The following NRG1 variants were observed in gnomAD, a reference collection of about 807,000 sequenced individuals.
NRG1 encodes pro-neuregulin-1, membrane-bound isoform.
A neutral mutation model predicts 63.8 loss-of-function variants in NRG1; 18 were observed. The observed-to-expected ratio is 0.28, with a 90% confidence interval of 0.19 to 0.42. The LOEUF (loss-of-function observed/expected upper bound fraction) is 0.42. Among genes scored for constraint, NRG1 ranks in the 10% least tolerant of loss-of-function variants. The pLI is 1.00. For missense variants in NRG1, 762 were observed against 814.7 expected, an observed-to-expected ratio of 0.94 and a Z score of 0.79; for synonymous variants, 302 against 301.3, an observed-to-expected ratio of 1.00 and a Z score of -0.02.
rs190938499 is a variant in NRG1 at position 32,028,443 on chromosome 8, A to G, written c.37+389012A>G. On this transcript the variant is annotated intron_variant, in intron 1 of 10. Transcript: ENST00000519301. ...AAATATTAAAGAACTGAATGATGGC[A>G]TCAGCTCAGCCATTTAGTATTTGAT... 1.4e-4 allele frequency among the ~76,000 whole-genome samples: 21 copies of G among 152,322 alleles called. No homozygotes were observed. The Middle Eastern group carries it at 0.014, about 99-fold the overall frequency.
intron 1 of NRG1, among the ~76,000 whole-genome samples, chr8:32,483,139 G>A (rs1324137352): frequency 6.6e-6 from 1 of 152,162 alleles, no homozygotes; most frequent in South Asian, 2.1e-4. Context: ...GTGTTGATTG[G>A]GGAGATGGGA....
At chr8:32,344,305 C>CT (rs10712083) in intron 1 of NRG1, among the ~76,000 whole-genome samples, 5 of 143,344 alleles carry the variant, frequency 3.5e-5, no homozygotes, top group Admixed American at 7.0e-5. Flanking sequence ...AGAGCCACAT[C>CT]TTTTTTTTTT....
chr8:32,212,428 A>G (rs974820233), intron 1 of NRG1, among the ~76,000 whole-genome samples: 1 of 152,182 alleles, frequency 6.6e-6, no homozygotes, highest in African/African-American at 2.4e-5. Context: ...TGTGATAGTT[A>G]TTGGACACAA....
At chr8:32,711,098 G>A (rs1001110611) in intron 5 of NRG1, among the ~76,000 whole-genome samples, 6 of 152,252 alleles carry the variant, frequency 3.9e-5, no homozygotes, top group African/African-American at 1.4e-4. Flanking sequence ...GTTCTGGAAT[G>A]AAAGAGGCGT....
intron 5 of NRG1, among the ~76,000 whole-genome samples, chr8:32,672,922 T>C (rs1285532881): frequency 6.6e-6 from 1 of 152,200 alleles, no homozygotes; most frequent in African/African-American, 2.4e-5. Context: ...AGAACTCTGT[T>C]TTTTTCATTT....
chr8:32,654,034 T>C (rs181297037), intron 5 of NRG1, among the ~76,000 whole-genome samples: 1 of 152,134 alleles, frequency 6.6e-6, no homozygotes, highest in Admixed American at 6.6e-5. Context: ...AATCATAGAA[T>C]TTTATATGCT....
At chr8:32,416,253 C>T (rs1188229818) in intron 1 of NRG1, among the ~76,000 whole-genome samples, 1 of 152,142 alleles carries the variant, frequency 6.6e-6, no homozygotes, top group African/African-American at 2.4e-5. Flanking sequence ...CAGACCCTGG[C>T]AAAGTTGGTA....
chr8:32,344,703 C>T (rs1804656464), intron 1 of NRG1, among the ~76,000 whole-genome samples: 1 of 148,154 alleles, frequency 6.7e-6, no homozygotes, highest in Admixed American at 6.9e-5. Context: ...GATCCTCCTG[C>T]TTCAAAAGTG....
intron 1 of NRG1, among the ~76,000 whole-genome samples, chr8:32,304,620 A>T (rs533285033): frequency 6.6e-5 from 10 of 152,334 alleles, no homozygotes; most frequent in Admixed American, 5.2e-4. Flanking sequence ...ATTTGGGCTG[A>T]AATATTTAAT....
chr8:31,724,262 A>G (rs1813203786), intron 1 of NRG1, among the ~76,000 whole-genome samples: 1 of 152,134 alleles, frequency 6.6e-6, no homozygotes, highest in Non-Finnish European at 1.5e-5. Context: ...GATACTATGA[A>G]CAATGGTGTG....
At chr8:32,700,214 C>T (rs1259224327) in intron 5 of NRG1, among the ~76,000 whole-genome samples, 1 of 151,990 alleles carries the variant, frequency 6.6e-6, no homozygotes, top group Non-Finnish European at 1.5e-5. Flanking sequence ...AATTGCCTCC[C>T]CATATATATT....
At chr8:32,313,650 A>G (rs1857064175) in intron 1 of NRG1, among the ~76,000 whole-genome samples, 1 of 152,198 alleles carries the variant, frequency 6.6e-6, no homozygotes, top group South Asian at 2.1e-4. Context: ...TGTCACATCC[A>G]ATTTTTAACA....
In NRG1 at chr8:31,800,837, C is replaced by CTTTTTTTTTTTTT. The variant is rs5890598; in HGVS notation, c.37+161415_37+161427dup. ...GATTTAGATTTCTCCAGTCTCCTTT[C>CTTTTTTTTTTTTT]TTTTTTTTTTTTTTTTTTTTTGAGA... On this transcript the variant is annotated intron_variant, in intron 1 of 10. Transcript: ENST00000519301. Among the ~76,000 whole-genome samples, 47 of 105,044 alleles carry CTTTTTTTTTTTTT rather than the reference C, an allele frequency of 4.5e-4. 1 individual carries two copies. The highest frequency in any genetic ancestry group is 1.5e-3 in the African/African-American group (41 of 26,688). The allele number at this position is 105,044 out of a possible 152,430, so 68.9% of individuals were successfully genotyped here. A position where few individuals can be genotyped will look rare whatever the true frequency, so the allele number is the denominator to read the frequency against.
chr8:31,676,752 C>A (rs1807745123), intron 1 of NRG1, among the ~76,000 whole-genome samples: 1 of 152,236 alleles, frequency 6.6e-6, no homozygotes. Context: ...GCAGCTACCA[C>A]TTCCTGCCAT....
At chr8:32,517,168 A>G (rs562584110) in intron 1 of NRG1, among the ~76,000 whole-genome samples, 3 of 152,260 alleles carry the variant, frequency 2.0e-5, no homozygotes, top group Admixed American at 2.0e-4. Flanking sequence ...GCTGGAGCCT[A>G]AGTGAGTTCT....
At chr8:32,659,829 A>G (rs1374138184) in intron 5 of NRG1, among the ~76,000 whole-genome samples, 1 of 152,042 alleles carries the variant, frequency 6.6e-6, no homozygotes, top group African/African-American at 2.4e-5. Context: ...TTTTTCTACT[A>G]TAAATGTGCT....
intron 1 of NRG1, among the ~76,000 whole-genome samples, chr8:31,818,906 A>G (rs1823722212): frequency 6.6e-6 from 1 of 152,006 alleles, no homozygotes; most frequent in Non-Finnish European, 1.5e-5. Context: ...AAATACAAAA[A>G]AATAGCCGGG....
At chr8:32,626,795 C>T (rs545613352) in intron 5 of NRG1, among the ~76,000 whole-genome samples, 15 of 152,010 alleles carry the variant, frequency 9.9e-5, no homozygotes, top group South Asian at 2.1e-4. Flanking sequence ...CCAAGGCGGG[C>T]GGATCACTTG....
At chr8:31,918,078 C>T (rs531431488) in intron 1 of NRG1, among the ~76,000 whole-genome samples, 1 of 152,124 alleles carries the variant, frequency 6.6e-6, no homozygotes, top group Non-Finnish European at 1.5e-5. Context: ...GCTGAAGTTG[C>T]TTATCAGCTT....
Sources: allele counts gnomAD v4.1 joint callset (sites outside exome capture counted in the v4.1 genomes callset), GRCh38; gene constraint gnomAD v4.1.1; transcripts MANE v1.5; gene names NCBI Gene and HGNC (gene_info 2026-07-23, HGNC 2026-07-21).